Variants in NRG1 observed in about 807,000 individuals in gnomAD.
NRG1 encodes neuregulin 1.
A neutral mutation model predicts 63.8 loss-of-function variants in NRG1; 18 were observed. That is an observed-to-expected ratio of 0.28 (90% CI 0.19 to 0.42). The LOEUF is 0.42. NRG1 is among the 10% of genes least tolerant of loss of function. The pLI, the probability that NRG1 is intolerant of heterozygous loss-of-function variation, is 1.00. For synonymous variants in NRG1, 302 were observed against 301.3 expected (o/e 1.00, Z -0.02); for missense variants, 762 against 814.7 (o/e 0.94, Z 0.79).
intron 1 of NRG1, among the ~76,000 whole-genome samples, chr8:31,987,321 T>TGTGG (rs1810254163): frequency 7.9e-5 from 1 of 12,656 alleles, no homozygotes; most frequent in African/African-American, 2.0e-4. Flanking sequence ...AACATATATA[T>TGTGG]GTGTGTGTGT....
chr8:31,839,201 C>T (rs1825960402), intron 1 of NRG1, among the ~76,000 whole-genome samples: 1 of 152,086 alleles, frequency 6.6e-6, no homozygotes, highest in Admixed American at 6.6e-5. Context: ...TTTATTCATT[C>T]TCCTCCCATT....
chr8:32,178,793 C>T (rs79289010), intron 1 of NRG1, among the ~76,000 whole-genome samples: 1,858 of 151,300 alleles, frequency 0.012, 41 homozygotes, highest in African/African-American at 0.042. Context: ...GAGGTAGGTT[C>T]GATAAAACTT....
intron 1 of NRG1, among the ~76,000 whole-genome samples, chr8:32,251,056 A>T (rs1014725201): frequency 4.0e-5 from 6 of 148,944 alleles, no homozygotes; most frequent in African/African-American, 1.5e-4. Context: ...TGCCATATTT[A>T]TTATTATTAT....
At chr8:31,674,057 G>T (rs1418777517) in intron 1 of NRG1, among the ~76,000 whole-genome samples, 1 of 152,102 alleles carries the variant, frequency 6.6e-6, no homozygotes, top group African/African-American at 2.4e-5. Context: ...ATGCCCTTCT[G>T]TGTCTGGTGT....
In NRG1 at chr8:32,224,531, A is replaced by G. The variant is rs115539878; in HGVS notation, c.38-371297A>G. ...CTTCCCCTTGCAAATTACAGATGCTATAATCCTGTCTGCATTAGGCTTAGG... is the reference window on the plus strand; with the variant it reads ...CTTCCCCTTGCAAATTACAGATGCTGTAATCCTGTCTGCATTAGGCTTAGG... On this transcript the variant is annotated intron_variant, in intron 1 of 10. Coordinates refer to the NRG1 transcript ENST00000519301. Among the ~76,000 whole-genome samples, 668 of 152,362 alleles carry G rather than the reference A, an allele frequency of 4.4e-3. 4 individuals carry two copies. Among genetic ancestry groups the G allele is most frequent in the African/African-American group, 0.015 (644 of 41,588 alleles).
intron 1 of NRG1, chr8:32,063,386 G>A (rs1302515579): frequency 6.6e-6 from 1 of 152,092 alleles, no homozygotes; most frequent in Non-Finnish European, 1.5e-5. Context: ...CCAATGCTTG[G>A]TGGAAAGATT....
intron 5 of NRG1, chr8:32,647,895 G>A (rs1171212944): frequency 6.2e-7 from 1 of 1,614,160 alleles, no homozygotes; most frequent in East Asian, 2.2e-5. Flanking sequence ...GCCCTGCTGT[G>A]CGTGCCTAGA....
intron 1 of NRG1, among the ~76,000 whole-genome samples, chr8:31,710,530 G>T (rs1403426803): frequency 6.6e-6 from 1 of 151,818 alleles, no homozygotes; most frequent in Non-Finnish European, 1.5e-5. Flanking sequence ...TCAGGTTTGT[G>T]AACATTTTGC....
chr8:31,885,888 C>T (rs750391654), intron 1 of NRG1, among the ~76,000 whole-genome samples: 31 of 152,130 alleles, frequency 2.0e-4, no homozygotes, highest in African/African-American at 5.3e-4. Context: ...ATTAATATTA[C>T]GGAGAAAGTC....
chr8:32,411,755 A>T (rs922885563), intron 1 of NRG1, among the ~76,000 whole-genome samples: 1 of 152,228 alleles, frequency 6.6e-6, no homozygotes, highest in East Asian at 1.9e-4. Context: ...CATTTGCACC[A>T]TTCTAAAATC....
At chr8:31,664,689 G>A (rs1055982881) in intron 1 of NRG1, among the ~76,000 whole-genome samples, 3 of 152,096 alleles carry the variant, frequency 2.0e-5, no homozygotes, top group African/African-American at 4.8e-5. Flanking sequence ...AGGATGGAAC[G>A]GTGTGTAGCG....
chr8:32,374,908 C>A (rs1462181054), intron 1 of NRG1, among the ~76,000 whole-genome samples: 1 of 152,116 alleles, frequency 6.6e-6, no homozygotes, highest in African/African-American at 2.4e-5. Context: ...GAGGATGGAA[C>A]CTAGGGCTCA....
intron 1 of NRG1, among the ~76,000 whole-genome samples, chr8:31,746,542 A>G (rs1815884984): frequency 6.6e-6 from 1 of 151,996 alleles, no homozygotes; most frequent in Admixed American, 6.6e-5. Flanking sequence ...CAAATACTTT[A>G]TCTTGCTCTA....
intron 3 of NRG1, among the ~76,000 whole-genome samples, chr8:32,608,495 C>T (rs1437536638): frequency 3.9e-5 from 6 of 151,930 alleles, no homozygotes; most frequent in South Asian, 2.1e-4. Context: ...TGAGCCGCTG[C>T]GCCCAGCCTT....
chr8:31,872,758 A>G (rs997475434), intron 1 of NRG1, among the ~76,000 whole-genome samples: 1 of 152,242 alleles, frequency 6.6e-6, no homozygotes, highest in Non-Finnish European at 1.5e-5. Flanking sequence ...TAGATCATCC[A>G]TTCAAAACAT....
chr8:32,247,339 A>G (rs965288339), intron 1 of NRG1, among the ~76,000 whole-genome samples: 1 of 152,130 alleles, frequency 6.6e-6, no homozygotes, highest in Non-Finnish European at 1.5e-5. Context: ...TGAAATATTT[A>G]TACTGATAAC....
At chr8:32,421,272 T>C (rs1390511650) in intron 1 of NRG1, among the ~76,000 whole-genome samples, 1 of 152,174 alleles carries the variant, frequency 6.6e-6, no homozygotes, top group Non-Finnish European at 1.5e-5. Context: ...AAATTTGCTG[T>C]TATCAAGAAG....
intron 1 of NRG1, among the ~76,000 whole-genome samples, chr8:31,908,349 T>A (rs747366029): frequency 1.2e-4 from 18 of 152,264 alleles, no homozygotes; most frequent in Non-Finnish European, 2.6e-4. Flanking sequence ...TTTCCAAACA[T>A]ATTTGATACC....
rs899861543 is a variant in NRG1 at position 32,230,750 on chromosome 8, T to C, written c.38-365078T>C. ...AAAAATTATTTTTAATTATTATGGGTACATAATAAGTGTATATATACATGG... is the reference window on the plus strand; with the variant it reads ...AAAAATTATTTTTAATTATTATGGGCACATAATAAGTGTATATATACATGG... On this transcript the variant is annotated intron_variant, in intron 1 of 10. Transcript: ENST00000519301. Among the ~76,000 whole-genome samples, 30 of 148,954 alleles carry C rather than the reference T, an allele frequency of 2.0e-4. 1 individual carries two copies. The highest frequency in any genetic ancestry group is 6.5e-4 in the African/African-American group (26 of 40,088).
Sources: allele counts gnomAD v4.1 joint callset (sites outside exome capture counted in the v4.1 genomes callset), GRCh38; gene constraint gnomAD v4.1.1; transcripts MANE v1.5; gene names NCBI Gene and HGNC (gene_info 2026-07-23, HGNC 2026-07-21).